Variants in VMP1 observed in about 807,000 individuals in gnomAD.
The protein encoded by VMP1 is vacuole membrane protein 1.
Under a neutral mutation model 56.0 loss-of-function variants are expected in VMP1, and 11 were observed. The ratio of observed to expected loss-of-function variants is 0.20; its 90% confidence interval spans 0.12 to 0.32. VMP1 has a LOEUF of 0.32. Among genes scored for constraint, VMP1 ranks in the 10% least tolerant of loss-of-function variants. VMP1 has a pLI of 1.00. For synonymous variants in VMP1, 149 were observed against 165.0 expected, an observed-to-expected ratio of 0.90 and a Z score of 0.74; for missense variants, 296 against 490.3, an observed-to-expected ratio of 0.60 and a Z score of 3.74.
chr17:59,833,491 A>G (rs140708323), intron 10 of VMP1, among the ~76,000 whole-genome samples: 73 of 152,260 alleles, frequency 4.8e-4, no homozygotes, highest in African/African-American at 1.6e-3. Context: ...CCATCTCTAC[A>G]AAATATAAAA....
intron 3 of VMP1, 127 bp downstream of exon 3, chr17:59,735,600 T>C (rs2034989277): frequency 2.0e-6 from 2 of 988,694 alleles, no homozygotes; most frequent in Middle Eastern, 3.0e-4. Flanking sequence ...AATATTACCA[T>C]AGGAACATAT....
intron 5 of VMP1, among the ~76,000 whole-genome samples, chr17:59,740,906 A>G (rs2035202344): frequency 6.6e-6 from 1 of 152,208 alleles, no homozygotes; most frequent in Admixed American, 6.5e-5. Flanking sequence ...ACTCTGCTGA[A>G]TGTCAAAAGA....
chr17:59,762,161 C>T (rs2036078696), intron 5 of VMP1, among the ~76,000 whole-genome samples: 1 of 152,196 alleles, frequency 6.6e-6, no homozygotes, highest in African/African-American at 2.4e-5. Flanking sequence ...AGTCTAGTAT[C>T]CGTTACTTCA....
chr17:59,774,928 C>T (rs182288910), intron 7 of VMP1, among the ~76,000 whole-genome samples: 81 of 145,832 alleles, frequency 5.6e-4, no homozygotes, highest in African/African-American at 2.0e-3. Flanking sequence ...GAGACCTTGT[C>T]TCTACAAAAA....
At chr17:59,824,262 A>C (rs2038557643) in intron 10 of VMP1, among the ~76,000 whole-genome samples, 1 of 151,284 alleles carries the variant, frequency 6.6e-6, no homozygotes, top group Admixed American at 6.6e-5. Flanking sequence ...AAAAAAAAAA[A>C]AAAGGGTATC....
chr17:59,751,635 T>C (rs1454002396), intron 5 of VMP1, among the ~76,000 whole-genome samples: 1 of 134,726 alleles, frequency 7.4e-6, no homozygotes. Flanking sequence ...TCCCAGCTAC[T>C]TGGGAGGCTG....
chr17:59,751,613 G>GT (rs1244350437), intron 5 of VMP1, among the ~76,000 whole-genome samples: 3 of 147,998 alleles, frequency 2.0e-5, no homozygotes, highest in Admixed American at 1.3e-4. Flanking sequence ...GTGGTGGGGG[G>GT]GGCGCCTGTA....
At chr17:59,791,191 T>TTC (rs1472926754) in intron 7 of VMP1, among the ~76,000 whole-genome samples, 3 of 53,506 alleles carry the variant, frequency 5.6e-5, no homozygotes, top group East Asian at 5.5e-4. Flanking sequence ...TCCCTTTTTT[T>TTC]TTTTTTTTTT....
intron 7 of VMP1, among the ~76,000 whole-genome samples, chr17:59,807,358 C>A (rs1003478416): frequency 6.6e-6 from 1 of 151,678 alleles, no homozygotes; most frequent in East Asian, 2.0e-4. Context: ...CCAGCACGCC[C>A]GGCTAATTTT....
At chr17:59,733,364 C>A (rs2034905721) in intron 2 of VMP1, among the ~76,000 whole-genome samples, 2 of 152,034 alleles carry the variant, frequency 1.3e-5, no homozygotes, top group South Asian at 4.2e-4. Flanking sequence ...TCACCTTATA[C>A]CTAATCATTC....
chr17:59,815,689 TA>T (rs11325908), intron 9 of VMP1, among the ~76,000 whole-genome samples: 65,422 of 150,354 alleles, frequency 0.44, 16,639 homozygotes, highest in African/African-American at 0.72. Flanking sequence ...CCGTCTCTAC[TA>T]AAAAAAATAC....
At chr17:59,776,246 A>G (rs2036614019) in intron 7 of VMP1, among the ~76,000 whole-genome samples, 1 of 152,230 alleles carries the variant, frequency 6.6e-6, no homozygotes, top group Admixed American at 6.5e-5. Flanking sequence ...ATAAAATTCA[A>G]CCAAGTATGG....
At chr17:59,749,637 A>G (rs775646267) in intron 5 of VMP1, among the ~76,000 whole-genome samples, 1 of 151,906 alleles carries the variant, frequency 6.6e-6, no homozygotes, top group Non-Finnish European at 1.5e-5. Flanking sequence ...CAGCCTCCCA[A>G]GTAGGTGGGA....
intron 10 of VMP1, among the ~76,000 whole-genome samples, chr17:59,829,055 G>T (rs1568225356): frequency 6.6e-6 from 1 of 152,172 alleles, no homozygotes; most frequent in African/African-American, 2.4e-5. Context: ...GGTGAAGGTT[G>T]CAGTGAGCCG....
At chr17:59,751,270 C>A (rs2035632075) in intron 5 of VMP1, among the ~76,000 whole-genome samples, 1 of 152,050 alleles carries the variant, frequency 6.6e-6, no homozygotes, top group African/African-American at 2.4e-5. Flanking sequence ...TTCAGGTTAC[C>A]TTTTAGAAGA....
At chr17:59,811,607 G>A (rs1028297236) in intron 8 of VMP1, 63 bp from the exon 9 acceptor site, 3 of 1,223,574 alleles carry the variant, frequency 2.5e-6, no homozygotes, top group Non-Finnish European at 3.6e-6. Flanking sequence ...ACATATCAAT[G>A]GGTGATAAAA....
At chr17:59,777,650 A>G (rs903540132) in intron 7 of VMP1, among the ~76,000 whole-genome samples, 1 of 152,046 alleles carries the variant, frequency 6.6e-6, no homozygotes, top group African/African-American at 2.4e-5. Flanking sequence ...CATCTCTACT[A>G]AAAATATAAA....
chr17:59,810,565 A>G (rs921440691), intron 8 of VMP1, among the ~76,000 whole-genome samples: 1 of 152,220 alleles, frequency 6.6e-6, no homozygotes, highest in African/African-American at 2.4e-5. Context: ...ATGAGCAAAT[A>G]TAACAAATAG....
Position 59,773,047 on chromosome 17 carries a change from C to T in VMP1, c.583-707C>T, listed in dbSNP as rs371057929. On this transcript the variant is annotated intron_variant, in intron 6 of 11. Transcript: ENST00000262291. The stretch of plus-strand genomic sequence containing the variant: ...TGCGATCTCAGCTCCCTGCAACCTC[C>T]GCCTCCCAGGTTCAAGCAATTTTCC... 4.4e-4 allele frequency among the ~76,000 whole-genome samples: 64 copies of T among 145,380 alleles called. No homozygotes were observed. The Middle Eastern group carries it at 0.015, about 35-fold the overall frequency.
Sources: gnomAD v4.1 joint callset for allele counts (sites outside exome capture counted in the v4.1 genomes callset) on GRCh38, gnomAD v4.1.1 for gene constraint, MANE v1.5 for transcripts, NCBI Gene and HGNC (gene_info 2026-07-23, HGNC 2026-07-21) for gene names.